PHLPP1: variants seen among roughly 807,000 people sequenced by gnomAD.
The protein encoded by PHLPP1 is PH domain leucine-rich repeat-containing protein phosphatase 1.
In PHLPP1, 42 loss-of-function variants were observed where a neutral mutation model predicts 117.2. That is an observed-to-expected ratio of 0.36 (90% CI 0.28 to 0.46). The LOEUF is 0.46. PHLPP1 is among the 20% of genes least tolerant of loss of function. The probability of loss-of-function intolerance (pLI) is 1.00; values close to 1 mark genes in which losing one functional copy is unlikely to be tolerated. For synonymous variants in PHLPP1, 1,042 were observed against 970.7 expected (o/e 1.07, Z -1.37); for missense variants, 2,084 against 2,241.9 (o/e 0.93, Z 1.42).
intron 1 of PHLPP1, among the ~76,000 whole-genome samples, chr18:62,751,630 C>A (rs777668126): frequency 2.6e-5 from 4 of 152,170 alleles, no homozygotes; most frequent in Non-Finnish European, 5.9e-5. Context: ...TGCATAGAAG[C>A]TTTATTCAGG....
intron 14 of PHLPP1, among the ~76,000 whole-genome samples, chr18:62,968,780 C>T (rs768215969): frequency 3.9e-4 from 60 of 151,934 alleles, no homozygotes; most frequent in African/African-American, 6.5e-4. Flanking sequence ...ATGGTCCACC[C>T]GCCTCAGCCT....
chr18:62,754,973 G>C (rs1236055793), intron 1 of PHLPP1, among the ~76,000 whole-genome samples: 4 of 152,272 alleles, frequency 2.6e-5, no homozygotes, highest in African/African-American at 9.6e-5. Context: ...AAAAAAAAGT[G>C]ACTGTAGTCT....
intron 14 of PHLPP1, among the ~76,000 whole-genome samples, chr18:62,971,275 T>C (rs1371258876): frequency 1.3e-5 from 2 of 152,220 alleles, no homozygotes; most frequent in African/African-American, 2.4e-5. Context: ...AAAAGTGTTA[T>C]CTGTCTCTTC....
intron 4 of PHLPP1, among the ~76,000 whole-genome samples, chr18:62,879,664 T>G (rs1369089450): frequency 6.6e-6 from 1 of 152,168 alleles, no homozygotes; most frequent in Non-Finnish European, 1.5e-5. Context: ...CACCTTGGCC[T>G]CCCAAAGTAC....
intron 1 of PHLPP1, among the ~76,000 whole-genome samples, chr18:62,732,288 G>A (rs1193626270): frequency 3.9e-5 from 6 of 152,126 alleles, no homozygotes; most frequent in Admixed American, 6.5e-5. Context: ...AAGTTGAAGC[G>A]GATGCTCATT....
chr18:62,955,161 C>G (rs1910576816), intron 12 of PHLPP1, among the ~76,000 whole-genome samples: 1 of 152,126 alleles, frequency 6.6e-6, no homozygotes, highest in Non-Finnish European at 1.5e-5. Flanking sequence ...AAAAGAGTTC[C>G]AAGCACAGAG....
In PHLPP1 at chr18:62,958,645, G is replaced by T; in HGVS notation, c.3341G>T (p.Cys1114Phe). 1 of 1,613,876 alleles carries T rather than the reference G, an allele frequency of 6.2e-7. No homozygotes were observed. Among genetic ancestry groups the T allele is most frequent in the Non-Finnish European group, 8.5e-7 (1 of 1,179,832 alleles). Residue 1114 changes from cysteine (C) to phenylalanine (F), a missense_variant, in exon 13 of 17, where the codon TGT (cysteine) becomes TTT (phenylalanine). By Grantham distance (205) the Cys-to-Phe change is radical. This residue lies in a region of PHLPP1 where 1,365 missense variants were observed against 1,605.9 expected (regional missense o/e 0.85). Transcript: ENST00000262719. The part of the protein sequence containing the change: ...LPEIKCVDLS[C>F]NELSEVTLPE... ...TTTTTTCAGTGTGTGGACCTGAGCT[G>T]TAATGAGCTAAGTGAAGTCACATTA...
chr18:62,796,077 G>C (rs1000702668), intron 1 of PHLPP1, among the ~76,000 whole-genome samples: 5 of 152,198 alleles, frequency 3.3e-5, no homozygotes, highest in African/African-American at 1.2e-4. Flanking sequence ...TTTCCTGTGT[G>C]AGTCCACGGT....
chr18:62,912,048 A>G (rs1916962999), intron 8 of PHLPP1, among the ~76,000 whole-genome samples: 1 of 102,472 alleles, frequency 9.8e-6, no homozygotes, highest in African/African-American at 3.7e-5. Context: ...AAACTATCGC[A>G]AGAACAAAAA....
intron 1 of PHLPP1, among the ~76,000 whole-genome samples, chr18:62,724,889 A>G (rs908737682): frequency 1.3e-5 from 2 of 152,186 alleles, no homozygotes; most frequent in African/African-American, 4.8e-5. Context: ...TGATAGAACT[A>G]TTGACAGTTG....
At chr18:62,801,650 C>T (rs1363931294) in intron 1 of PHLPP1, among the ~76,000 whole-genome samples, 1 of 151,954 alleles carries the variant, frequency 6.6e-6, no homozygotes, top group Non-Finnish European at 1.5e-5. Context: ...ATGGGTTTCC[C>T]CATGTTGGCC....
chr18:62,752,597 G>C (rs962995484), intron 1 of PHLPP1, among the ~76,000 whole-genome samples: 1 of 151,710 alleles, frequency 6.6e-6, no homozygotes, highest in African/African-American at 2.4e-5. Context: ...ATGGATTCTT[G>C]AGAATAGCAT....
intron 1 of PHLPP1, among the ~76,000 whole-genome samples, chr18:62,810,695 A>G (rs1330491196): frequency 6.6e-6 from 1 of 152,224 alleles, no homozygotes; most frequent in Non-Finnish European, 1.5e-5. Context: ...AACTGAAATC[A>G]CAGAAAGCGA....
intron 6 of PHLPP1, 44 bp from the exon 7 acceptor site, chr18:62,902,920 T>G: frequency 2.5e-6 from 3 of 1,185,180 alleles, no homozygotes; most frequent in Non-Finnish European, 2.5e-6. Context: ...CATTTACTTA[T>G]AGCATTGCAG....
chr18:62,732,392 A>T (rs1222168304), intron 1 of PHLPP1, among the ~76,000 whole-genome samples: 2 of 152,164 alleles, frequency 1.3e-5, no homozygotes, highest in Admixed American at 1.3e-4. Flanking sequence ...ATTACAGCAC[A>T]CCTGTTTGTA....
chr18:62,861,235 G>A (rs1333693782), intron 4 of PHLPP1, among the ~76,000 whole-genome samples: 2 of 151,968 alleles, frequency 1.3e-5, no homozygotes, highest in East Asian at 1.9e-4. Context: ...TCAGCCTCCC[G>A]AGTAGCTGGG....
At chr18:62,797,994 A>C (rs984752474) in intron 1 of PHLPP1, among the ~76,000 whole-genome samples, 1 of 152,260 alleles carries the variant, frequency 6.6e-6, no homozygotes, top group African/African-American at 2.4e-5. Flanking sequence ...GAAAGAATTA[A>C]AATCTTAAAT....
intron 1 of PHLPP1, among the ~76,000 whole-genome samples, chr18:62,739,357 T>C (rs1430549409): frequency 6.6e-6 from 1 of 152,218 alleles, no homozygotes; most frequent in Non-Finnish European, 1.5e-5. Context: ...TAATTTTTGG[T>C]GACGTATTGT....
At chr18:62,809,571 GGGAGCCTGTAGTCCCAGCAACTCC>G (rs1914052967) in intron 1 of PHLPP1, among the ~76,000 whole-genome samples, 1 of 152,054 alleles carries the variant, frequency 6.6e-6, no homozygotes, top group Non-Finnish European at 1.5e-5. Context: ...GCGTGGTGGT[GGGAGCCTGTAGTCCCAGCAACTCC>G]GGAGCCTGAG....
Sources: gnomAD v4.1 joint callset for allele counts (sites outside exome capture counted in the v4.1 genomes callset) on GRCh38, gnomAD v4.1.1 for gene constraint, gnomAD v4.1.1 regional missense constraint, MANE v1.5 for transcripts, NCBI Gene and HGNC (gene_info 2026-07-23, HGNC 2026-07-21) for gene names.